The following PDE10A variants were observed in gnomAD, a reference collection of about 807,000 sequenced individuals.
PDE10A encodes cAMP and cAMP-inhibited cGMP 3',5'-cyclic phosphodiesterase 10A.
PDE10A carries 39 observed loss-of-function variants against 97.7 expected under a neutral mutation model. The observed-to-expected ratio is 0.40, with a 90% confidence interval of 0.31 to 0.52. The LOEUF is 0.52. Ranked by LOEUF, PDE10A falls within the 20% of genes least tolerant of loss-of-function variation. PDE10A has a pLI of 0.56. For missense variants in PDE10A, 731 were observed against 1,047.8 expected (o/e 0.70, Z 4.17); for synonymous variants, 371 against 376.8 (o/e 0.98, Z 0.18).
At chr6:165,815,845 CAG>C (rs1779394910) in intron 1 of PDE10A, among the ~76,000 whole-genome samples, 1 of 152,116 alleles carries the variant, frequency 6.6e-6, no homozygotes, top group African/African-American at 2.4e-5. Context: ...AGCTGTGGTC[CAG>C]GGTGTGGAAG....
chr6:165,777,476 G>A (rs1481603295), intron 1 of PDE10A, among the ~76,000 whole-genome samples: 1 of 142,546 alleles, frequency 7.0e-6, no homozygotes, highest in Non-Finnish European at 1.5e-5. Flanking sequence ...TGTGAAAACA[G>A]AGGGAATCTC....
intron 1 of PDE10A, among the ~76,000 whole-genome samples, chr6:165,702,807 G>T (rs1162197032): frequency 6.6e-6 from 1 of 152,124 alleles, no homozygotes; most frequent in Non-Finnish European, 1.5e-5. Flanking sequence ...CTGCAAGGAC[G>T]CTCTCTCATG....
intron 1 of PDE10A, among the ~76,000 whole-genome samples, chr6:165,976,916 C>T (rs1281995393): frequency 6.6e-6 from 1 of 152,260 alleles, no homozygotes; most frequent in Non-Finnish European, 1.5e-5. Flanking sequence ...AAACCCTGTG[C>T]ACCGGAAGCC....
upstream of PDE10A, among the ~76,000 whole-genome samples, chr6:165,663,543 C>T (rs116503529): frequency 4.2e-4 from 64 of 152,306 alleles, no homozygotes; most frequent in African/African-American, 1.4e-3. Flanking sequence ...CTCCTGGTAG[C>T]GGGCCAGCAG....
At chr6:165,509,936 T>TATATTTGCAAATACA (rs548002848) in intron 2 of PDE10A, among the ~76,000 whole-genome samples, 34 of 152,226 alleles carry the variant, frequency 2.2e-4, no homozygotes, top group Middle Eastern at 3.4e-3. Flanking sequence ...ACCCTGCAAC[T>TATATTTGCAAATACA]ATACTGTATT....
At chr6:165,820,916 A>G (rs1230081048) in intron 1 of PDE10A, among the ~76,000 whole-genome samples, 1 of 152,252 alleles carries the variant, frequency 6.6e-6, no homozygotes, top group Non-Finnish European at 1.5e-5. Flanking sequence ...TAAGTGCTCA[A>G]TAAATACTTG....
At chr6:165,816,262 T>C (rs1006829576) in intron 1 of PDE10A, among the ~76,000 whole-genome samples, 1 of 152,220 alleles carries the variant, frequency 6.6e-6, no homozygotes, top group Non-Finnish European at 1.5e-5. Flanking sequence ...GCTCATATTT[T>C]CTAAAGCTGC....
rs535337495 is a variant in PDE10A, at chr6:165,982,337, C to G, written c.-615+5192G>C. ...GGCTGGGGAGGATCTTAACCAATTT[C>G]ATCCAAAACAGAAACTACTTACTTT... On this transcript the variant is annotated intron_variant, in intron 1 of 19. Coordinates refer to the PDE10A transcript ENST00000366882. 2.6e-5 allele frequency among the ~76,000 whole-genome samples: 4 copies of G among 152,314 alleles called. No individual in the cohort carries two copies. The East Asian group carries it at 7.7e-4, about 29-fold the overall frequency.
chr6:165,670,320 G>C (rs1790612298), intron 1 of PDE10A, among the ~76,000 whole-genome samples: 1 of 152,168 alleles, frequency 6.6e-6, no homozygotes, highest in African/African-American at 2.4e-5. Flanking sequence ...GAGTCACAAA[G>C]AAACGCATTT....
chr6:165,917,231 C>A (rs1782630496), intron 1 of PDE10A, among the ~76,000 whole-genome samples: 1 of 152,128 alleles, frequency 6.6e-6, no homozygotes, highest in African/African-American at 2.4e-5. Context: ...AAAACCCTTC[C>A]CTAGGTGCCC....
chr6:165,416,442 G>A (rs562141569), intron 11 of PDE10A, among the ~76,000 whole-genome samples, 161 bp from the exon 12 acceptor site: 21 of 152,188 alleles, frequency 1.4e-4, no homozygotes, highest in South Asian at 1.0e-3. Context: ...TATGAAGTAC[G>A]TAAAAATAAA....
intron 1 of PDE10A, among the ~76,000 whole-genome samples, chr6:165,870,418 C>T (rs984928721): frequency 6.6e-6 from 1 of 152,140 alleles, no homozygotes; most frequent in African/African-American, 2.4e-5. Flanking sequence ...TCACTCCATC[C>T]AGTTAGAATG....
chr6:165,444,745 C>T (rs903708411), intron 5 of PDE10A, among the ~76,000 whole-genome samples: 2 of 151,778 alleles, frequency 1.3e-5, no homozygotes, highest in African/African-American at 4.8e-5. Flanking sequence ...TTCCTCCTTG[C>T]TTATATGAAT....
intron 1 of PDE10A, among the ~76,000 whole-genome samples, chr6:165,695,774 G>C (rs1045289616): frequency 2.0e-5 from 3 of 152,266 alleles, no homozygotes; most frequent in African/African-American, 7.2e-5. Flanking sequence ...TGGTAGGCTC[G>C]CTAGTGCACA....
chr6:165,661,971 G>T lies in PDE10A; in HGVS notation c.841C>A (p.Leu281Met). Reference protein sequence around the residue: ...PSNNASCFRRLTECFLSPSLT... With the variant: ...PSNNASCFRRMTECFLSPSLT... ...CTGGGGCTCAGGAAGCACTCGGTCA[G>T]CCTTCGGAAGCAGCTCGCATTATTA... Residue 281 changes from leucine to methionine, a missense_variant, in exon 1 of 22, where the codon CTG (leucine) becomes ATG (methionine). Transcript: ENST00000539869. The surrounding 1 kb of genome is among the most constrained non-coding windows in gnomAD (Gnocchi z 4.8). 1 of 1,211,714 alleles carries T rather than the reference G, an allele frequency of 8.3e-7. No homozygotes were observed. Among genetic ancestry groups the T allele is most frequent in the Non-Finnish European group, 1.2e-6 (1 of 842,794 alleles). 75.1% of individuals were successfully genotyped at this position (1,211,714 alleles called of 1,614,324 possible).
In PDE10A at chr6:165,418,146, C is replaced by T. The variant is rs1788453135; in HGVS notation, c.1796+489G>A. ...AAGACTTCAGTTTCAAGATGCAACA[C>T]AGGTGTGCTATGTGATTGATTAAAA... is the stretch of plus-strand genomic sequence containing the variant. On this transcript the variant is annotated intron_variant, in intron 11 of 21. Transcript: ENST00000539869. This position sits in a 1 kb window ranked among gnomAD's most constrained non-coding sequence, Gnocchi z 4.8. 6.6e-6 allele frequency among the ~76,000 whole-genome samples: 1 copy of T among 152,172 alleles called. No homozygotes were observed. Among genetic ancestry groups the T allele is most frequent in the Non-Finnish European group, 1.5e-5 (1 of 68,036 alleles).
intron 2 of PDE10A, among the ~76,000 whole-genome samples, chr6:165,501,281 G>T (rs1221774224): frequency 6.6e-6 from 1 of 152,196 alleles, no homozygotes; most frequent in East Asian, 1.9e-4. Flanking sequence ...TTCTGAGGAG[G>T]CCAGGCGCAG....
At chr6:165,905,358 C>T (rs1043015988) in intron 1 of PDE10A, among the ~76,000 whole-genome samples, 2 of 152,044 alleles carry the variant, frequency 1.3e-5, no homozygotes, top group South Asian at 4.2e-4. Context: ...TTATTTCTAG[C>T]CTAAGTTTAC....
intron 18 of PDE10A, among the ~76,000 whole-genome samples, chr6:165,363,576 T>C (rs567517813): frequency 2.0e-5 from 3 of 151,884 alleles, no homozygotes; most frequent in African/African-American, 4.8e-5. Context: ...CTGAATGCAA[T>C]TGTTTGTACA....
Sources: allele counts gnomAD v4.1 joint callset (sites outside exome capture counted in the v4.1 genomes callset), GRCh38; gene constraint gnomAD v4.1.1; non-coding constraint Gnocchi (gnomAD v3.1); transcripts MANE v1.5; gene names NCBI Gene and HGNC (gene_info 2026-07-23, HGNC 2026-07-21).